The following NKX6-3 variants were observed in gnomAD, a reference collection of about 807,000 sequenced individuals.
The protein encoded by NKX6-3 is NK6 homeobox 3.
In NKX6-3, 17 loss-of-function variants were observed where a neutral mutation model predicts 22.0. The ratio of observed to expected loss-of-function variants is 0.77; its 90% confidence interval spans 0.53 to 1.16. The LOEUF is 1.16. NKX6-3 is among the 50% of genes most tolerant of loss of function. The probability of loss-of-function intolerance (pLI) is 0.00; values close to 1 mark genes in which losing one functional copy is unlikely to be tolerated. For missense variants in NKX6-3, 363 were observed against 359.0 expected, an observed-to-expected ratio of 1.01 and a Z score of -0.09; for synonymous variants, 177 against 167.2, an observed-to-expected ratio of 1.06 and a Z score of -0.45.
chr8:41,647,446 T>G (rs527695865), intron 2 of NKX6-3: 174 of 1,119,010 alleles, frequency 1.6e-4, no homozygotes, highest in Non-Finnish European at 2.0e-4. Flanking sequence ...TTTCCCCGGG[T>G]CTATTTAGGG....
At position 41,646,006 on chromosome 8, in the gene NKX6-3, G is replaced by GA. The variant is rs1804192078; in HGVS notation, c.*442_*443insT. 6.2e-5 allele frequency: 13 copies of GA among 210,932 alleles called. No individual in the cohort carries two copies. Among genetic ancestry groups the GA allele is most frequent in the Non-Finnish European group, 8.4e-5 (9 of 106,980 alleles). 13.1% of individuals were successfully genotyped at this position (210,932 alleles called of 1,614,324 possible). On this transcript the variant is annotated 3_prime_UTR_variant, in exon 3 of 3. Coordinates refer to ENST00000518699, the MANE Select transcript of NKX6-3 (RefSeq NM_001364841.2). ...TGGACTTCTGACTCCCCAGCCAGCT[G>GA]CCTCCCTCCCTGGGAAGTCCTGCCC...
intron 1 of NKX6-3, 29 bp from the exon 2 acceptor site, chr8:41,648,264 G>A (rs1804251685): frequency 4.0e-6 from 6 of 1,517,808 alleles, no homozygotes; most frequent in Non-Finnish European, 5.3e-6. Flanking sequence ...TGTGGGGTTA[G>A]TAGAATAAGT....
At chr8:41,647,927 G>A in intron 2 of NKX6-3, 139 bp downstream of exon 2, 1 of 703,338 alleles carries the variant, frequency 1.4e-6, no homozygotes, top group Non-Finnish European at 2.3e-6. Flanking sequence ...CCAGGGTTAG[G>A]CAGGCAGGCA....
Sources: allele counts gnomAD v4.1 joint callset, GRCh38; gene constraint gnomAD v4.1.1; transcripts MANE v1.5; gene names NCBI Gene and HGNC (gene_info 2026-07-23, HGNC 2026-07-21).